Variants in FBXL17 observed in about 807,000 individuals in gnomAD.
The protein encoded by FBXL17 is F-box and leucine rich repeat protein 17.
Under a neutral mutation model 66.2 loss-of-function variants are expected in FBXL17, and 22 were observed. That is an observed-to-expected ratio of 0.33 (90% confidence interval 0.24 to 0.47). The LOEUF is 0.47. Ranked by LOEUF, FBXL17 falls within the 20% of genes least tolerant of loss-of-function variation. The pLI is 1.00. For synonymous variants in FBXL17, 474 were observed against 400.5 expected, an observed-to-expected ratio of 1.18 and a Z score of -2.19; for missense variants, 878 against 948.2, an observed-to-expected ratio of 0.93 and a Z score of 0.97.
chr5:108,210,230 T>G (rs1450271191), intron 5 of FBXL17, among the ~76,000 whole-genome samples: 7 of 152,184 alleles, frequency 4.6e-5, no homozygotes, highest in African/African-American at 1.7e-4. Context: ...GCTTGTGGTC[T>G]ATCTATTTTG....
At chr5:108,081,583 C>T (rs1388135605) in intron 6 of FBXL17, among the ~76,000 whole-genome samples, 2 of 151,918 alleles carry the variant, frequency 1.3e-5, no homozygotes, top group African/African-American at 2.4e-5. Context: ...AGTAGCCGGC[C>T]GTGGTGGCAG....
At chr5:108,302,998 T>C (rs933115400) in intron 4 of FBXL17, among the ~76,000 whole-genome samples, 3 of 151,856 alleles carry the variant, frequency 2.0e-5, no homozygotes, top group African/African-American at 7.2e-5. Flanking sequence ...TTAAGAAAAC[T>C]GGACATGAAA....
chr5:107,968,016 G>C (rs1229144281), intron 7 of FBXL17, among the ~76,000 whole-genome samples: 1 of 152,038 alleles, frequency 6.6e-6, no homozygotes, highest in Non-Finnish European at 1.5e-5. Context: ...AAGGTATAAC[G>C]GACAAAACTG....
chr5:107,930,201 A>G (rs957575681), intron 7 of FBXL17, among the ~76,000 whole-genome samples: 3 of 152,170 alleles, frequency 2.0e-5, no homozygotes, highest in African/African-American at 7.2e-5. Context: ...ACCACGGCCT[A>G]TATGAGTTAT....
chr5:107,913,558 AG>A (rs1750021686), intron 7 of FBXL17, among the ~76,000 whole-genome samples: 1 of 152,088 alleles, frequency 6.6e-6, no homozygotes, highest in Non-Finnish European at 1.5e-5. Context: ...TAGTTTCAAA[AG>A]ATTTAGAGCT....
intron 3 of FBXL17, among the ~76,000 whole-genome samples, chr5:108,349,168 T>A (rs1279056593): frequency 1.3e-5 from 2 of 152,166 alleles, no homozygotes; most frequent in Non-Finnish European, 2.9e-5. Flanking sequence ...TATGGTGTAT[T>A]CATAAAACTG....
intron 7 of FBXL17, among the ~76,000 whole-genome samples, chr5:107,935,144 C>T (rs1266288852): frequency 6.6e-6 from 1 of 151,826 alleles, no homozygotes; most frequent in Non-Finnish European, 1.5e-5. Flanking sequence ...ATGTCTATTT[C>T]CTTACTGAAG....
chr5:108,321,854 G>C (rs115454486), intron 4 of FBXL17, among the ~76,000 whole-genome samples: 3,853 of 151,936 alleles, frequency 0.025, 69 homozygotes, highest in Non-Finnish European at 0.039. Flanking sequence ...AAAGTGCCTA[G>C]GAAGGTAGAA....
intron 8 of FBXL17, chr5:107,879,968 C>G (rs750469305): frequency 2.7e-5 from 24 of 890,044 alleles, no homozygotes; most frequent in Non-Finnish European, 3.0e-5. Context: ...CCATTTTCTC[C>G]CCTTCACAAT....
At position 108,315,283 on chromosome 5, in the gene FBXL17, T is replaced by C. The variant is rs577163844; in HGVS notation, c.1506+33116A>G. On this transcript the variant is annotated intron_variant, in intron 4 of 8. Coordinates refer to ENST00000542267, the MANE Select transcript of FBXL17 (RefSeq NM_001163315.3). Reference sequence around the variant, plus strand: ...GGAAAGAAAATCAGCTTTAGTAACATATTCTGTTTTACTTTTTCTGAGTTA... The same window carrying C: ...GGAAAGAAAATCAGCTTTAGTAACACATTCTGTTTTACTTTTTCTGAGTTA... 9.2e-5 allele frequency among the ~76,000 whole-genome samples: 14 copies of C among 151,374 alleles called. No homozygotes were observed. In the South Asian group the frequency reaches 2.9e-3, roughly 31 times the overall value.
At chr5:108,266,720 G>A (rs1757060964) in intron 4 of FBXL17, among the ~76,000 whole-genome samples, 1 of 152,040 alleles carries the variant, frequency 6.6e-6, no homozygotes, top group Non-Finnish European at 1.5e-5. Context: ...TTGTGAAGAA[G>A]GAAAAAGAAA....
intron 7 of FBXL17, among the ~76,000 whole-genome samples, chr5:107,971,092 T>C (rs1752354419): frequency 6.6e-6 from 1 of 152,190 alleles, no homozygotes; most frequent in African/African-American, 2.4e-5. Context: ...AAAGGATTGA[T>C]ATATGAGGGA....
intron 4 of FBXL17, among the ~76,000 whole-genome samples, chr5:108,292,006 A>G (rs1561510487): frequency 6.6e-6 from 1 of 152,110 alleles, no homozygotes; most frequent in Non-Finnish European, 1.5e-5. Flanking sequence ...TCCTCTACAG[A>G]ATGATCAGAA....
chr5:107,862,249 T>C (rs953394396), intron 8 of FBXL17, among the ~76,000 whole-genome samples: 1 of 151,790 alleles, frequency 6.6e-6, no homozygotes, highest in African/African-American at 2.4e-5. Flanking sequence ...GGACAAAAAT[T>C]GTGGAATGCC....
intron 4 of FBXL17, among the ~76,000 whole-genome samples, chr5:108,234,230 C>G (rs554828541): frequency 6.6e-6 from 1 of 152,278 alleles, no homozygotes; most frequent in African/African-American, 2.4e-5. Flanking sequence ...ACGGCTCACA[C>G]TCAGCCGAGG....
At chr5:108,232,801 A>ATATATATATATATATATATATATATATG (rs1755420741) in intron 4 of FBXL17, among the ~76,000 whole-genome samples, 1 of 131,846 alleles carries the variant, frequency 7.6e-6, no homozygotes, top group Non-Finnish European at 1.6e-5. Flanking sequence ...ATATATATAT[A>ATATATATATATATATATATATATATATG]TATAATATAT....
chr5:108,129,693 T>G (rs1042654272), intron 6 of FBXL17, among the ~76,000 whole-genome samples: 5 of 151,970 alleles, frequency 3.3e-5, no homozygotes, highest in African/African-American at 1.2e-4. Flanking sequence ...ATATATCAAA[T>G]TGCATTCCTT....
At chr5:108,068,761 C>G (rs1297783955) in intron 6 of FBXL17, among the ~76,000 whole-genome samples, 3 of 152,110 alleles carry the variant, frequency 2.0e-5, no homozygotes, top group African/African-American at 7.2e-5. Flanking sequence ...CCGGCCAATA[C>G]TCCTAATTTC....
intron 4 of FBXL17, among the ~76,000 whole-genome samples, chr5:108,233,952 T>C (rs1405610458): frequency 6.6e-6 from 1 of 152,128 alleles, no homozygotes; most frequent in East Asian, 1.9e-4. Context: ...TGAGGGTGGA[T>C]TCCTGTGAGA....
Sources: allele counts gnomAD v4.1 joint callset (sites outside exome capture counted in the v4.1 genomes callset), GRCh38; gene constraint gnomAD v4.1.1; transcripts MANE v1.5; gene names NCBI Gene and HGNC (gene_info 2026-07-23, HGNC 2026-07-21).